Variants in TOX observed in about 807,000 individuals in gnomAD.
TOX encodes the protein thymocyte selection associated high mobility group box, also known as thymocyte selection-associated high mobility group box protein TOX.
A neutral mutation model predicts 53.7 loss-of-function variants in TOX; 11 were observed. The ratio of observed to expected loss-of-function variants is 0.20; its 90% CI spans 0.13 to 0.34. The LOEUF (loss-of-function observed/expected upper bound fraction) is 0.34, where lower values mean the gene tolerates loss of function less well. Among genes scored for constraint, TOX ranks in the 10% least tolerant of loss-of-function variants. TOX has a pLI of 1.00. For synonymous variants in TOX, 225 were observed against 245.3 expected, an observed-to-expected ratio of 0.92 and a Z score of 0.77; for missense variants, 570 against 664.6, an observed-to-expected ratio of 0.86 and a Z score of 1.56.
At chr8:59,008,601 C>G (rs925557861) in intron 1 of TOX, among the ~76,000 whole-genome samples, 19 of 152,318 alleles carry the variant, frequency 1.2e-4, no homozygotes, top group African/African-American at 3.8e-4. Flanking sequence ...CATGACTCCC[C>G]CCATGAGTCA....
intron 1 of TOX, among the ~76,000 whole-genome samples, chr8:58,978,830 C>T (rs74583717): frequency 0.03 from 4,509 of 152,294 alleles, 103 homozygotes; most frequent in Non-Finnish European, 0.047. Context: ...TGACATGTAT[C>T]CACCACTGTA....
At chr8:59,100,177 C>T (rs2129424325) in intron 1 of TOX, among the ~76,000 whole-genome samples, 1 of 152,340 alleles carries the variant, frequency 6.6e-6, no homozygotes, top group South Asian at 2.1e-4. Context: ...GCTACAGACA[C>T]AAACACACTA....
chr8:59,106,318 AAAAAG>A (rs917826066), intron 1 of TOX, among the ~76,000 whole-genome samples: 1 of 152,124 alleles, frequency 6.6e-6, no homozygotes, highest in Non-Finnish European at 1.5e-5. Flanking sequence ...GGGGGGAAAA[AAAAAG>A]AAAGAAAGAT....
chr8:58,898,839 C>T (rs1437700187), intron 3 of TOX, among the ~76,000 whole-genome samples: 1 of 152,164 alleles, frequency 6.6e-6, no homozygotes, highest in South Asian at 2.1e-4. Flanking sequence ...CAAGGCTCCA[C>T]GTTGCAAATT....
intron 6 of TOX, among the ~76,000 whole-genome samples, chr8:58,817,829 G>A (rs923186528): frequency 2.0e-5 from 3 of 151,976 alleles, no homozygotes; most frequent in South Asian, 4.2e-4. Context: ...ATTCTTGTAT[G>A]ATCAAAAGTA....
chr8:59,105,605 G>A (rs979940211), intron 1 of TOX, among the ~76,000 whole-genome samples: 1 of 152,054 alleles, frequency 6.6e-6, no homozygotes, highest in Admixed American at 6.6e-5. Context: ...AATGAGTTGA[G>A]ATAATATATT....
intron 4 of TOX, among the ~76,000 whole-genome samples, chr8:58,848,216 G>A (rs1367357339): frequency 6.6e-6 from 1 of 151,644 alleles, no homozygotes; most frequent in Non-Finnish European, 1.5e-5. Context: ...TGTATTCCAG[G>A]GACAGCTACT....
At chr8:59,021,481 A>AAAAAAAAATATATATAT (rs59174995) in intron 1 of TOX, among the ~76,000 whole-genome samples, 1 of 64,740 alleles carries the variant, frequency 1.5e-5, no homozygotes, top group African/African-American at 5.3e-5. Flanking sequence ...AAAAAAAAAA[A>AAAAAAAAATATATATAT]ATATATATAT....
chr8:58,843,524 T>G (rs976540107), intron 4 of TOX, among the ~76,000 whole-genome samples: 11 of 152,228 alleles, frequency 7.2e-5, no homozygotes, highest in South Asian at 2.1e-4. Context: ...TTTATTATAT[T>G]GCTCAATGTT....
At chr8:58,848,272 T>G (rs2129167872) in intron 4 of TOX, among the ~76,000 whole-genome samples, 1 of 151,708 alleles carries the variant, frequency 6.6e-6, no homozygotes, top group South Asian at 2.1e-4. Flanking sequence ...AAATGGGAAA[T>G]TATGTAATGA....
intron 1 of TOX, among the ~76,000 whole-genome samples, chr8:58,961,755 C>T (rs1176874540): frequency 7.1e-6 from 1 of 140,664 alleles, no homozygotes; most frequent in Non-Finnish European, 1.6e-5. Flanking sequence ...CCAAAGCCTG[C>T]CTCAGCCTCC....
chr8:58,997,639 G>T (rs1257042846), intron 1 of TOX, among the ~76,000 whole-genome samples: 1 of 152,112 alleles, frequency 6.6e-6, no homozygotes, highest in African/African-American at 2.4e-5. Context: ...TGGGCATGGG[G>T]CATATCTTAA....
At chr8:58,892,031 T>C (rs544397596) in intron 3 of TOX, among the ~76,000 whole-genome samples, 4 of 152,236 alleles carry the variant, frequency 2.6e-5, no homozygotes, top group East Asian at 1.9e-4. Flanking sequence ...GAGACTGATA[T>C]TGTGTGAGAG....
intron 2 of TOX, 148 bp from the exon 3 acceptor site, chr8:58,939,692 T>C (rs1585913129): frequency 8.4e-7 from 1 of 1,184,466 alleles, no homozygotes; most frequent in East Asian, 2.6e-5. Flanking sequence ...CCTGCTGCCA[T>C]TTCATCATTA....
chr8:58,901,593 C>T (rs900780041), intron 3 of TOX, among the ~76,000 whole-genome samples: 2 of 152,058 alleles, frequency 1.3e-5, no homozygotes, highest in East Asian at 1.9e-4. Context: ...CAGAGCAGCA[C>T]GTACTTGTCT....
intron 7 of TOX, 137 bp from the exon 8 acceptor site, chr8:58,808,406 C>G: frequency 9.1e-7 from 1 of 1,098,456 alleles, no homozygotes; most frequent in African/African-American, 1.6e-5. Flanking sequence ...GTCGGAAGAG[C>G]CCAGAAAATT....
At chr8:59,059,947 T>C (rs142814926) in intron 1 of TOX, among the ~76,000 whole-genome samples, 155 of 152,280 alleles carry the variant, frequency 1.0e-3, no homozygotes, top group African/African-American at 3.6e-3. Context: ...ATCATCTAGA[T>C]TTTTATAGTA....
chr8:59,080,738 C>A (rs1350166315), intron 1 of TOX, among the ~76,000 whole-genome samples: 1 of 152,054 alleles, frequency 6.6e-6, no homozygotes, highest in Non-Finnish European at 1.5e-5. Flanking sequence ...TCCCCCCGAC[C>A]CTCTTGTTCC....
At chr8:58,868,452 GA>G (rs1213117211) in intron 3 of TOX, among the ~76,000 whole-genome samples, 4 of 152,150 alleles carry the variant, frequency 2.6e-5, no homozygotes, top group African/African-American at 9.7e-5. Context: ...TATTAATTAA[GA>G]GAGAATAAGA....
Sources: gnomAD v4.1 joint callset for allele counts (sites outside exome capture counted in the v4.1 genomes callset) on GRCh38, gnomAD v4.1.1 for gene constraint, MANE v1.5 for transcripts, NCBI Gene and HGNC (gene_info 2026-07-23, HGNC 2026-07-21) for gene names.